CPNE8: variants seen among roughly 807,000 people sequenced by gnomAD.
CPNE8 encodes the protein copine 8.
In CPNE8, 45 loss-of-function variants were observed where a neutral mutation model predicts 81.5. That is an observed-to-expected ratio of 0.55 (90% CI 0.44 to 0.71). CPNE8 has a LOEUF of 0.71. Among genes scored for constraint, CPNE8 ranks in the 30% least tolerant of loss-of-function variants. The pLI, the probability that CPNE8 is intolerant of heterozygous loss-of-function variation, is 0.00. For synonymous variants in CPNE8, 252 were observed against 226.3 expected (o/e 1.11, Z -1.02); for missense variants, 594 against 672.1 (o/e 0.88, Z 1.28).
At chr12:38,719,591 A>AAT in intron 13 of CPNE8, among the ~76,000 whole-genome samples, 1 of 151,344 alleles carries the variant, frequency 6.6e-6, no homozygotes, top group East Asian at 1.9e-4. Context: ...CAGGAAAAAA[A>AAT]AAAAAAAAAA....
Position 38,735,138 on chromosome 12 carries a change from T to C in CPNE8, c.723-4780A>G, listed in dbSNP as rs903708419. Among the ~76,000 whole-genome samples the C allele has an allele frequency of 2.6e-5, 4 of 152,216 alleles. No homozygotes were observed. The East Asian group carries it at 7.7e-4, about 29-fold the overall frequency. ...GAACAACACCCTTAGTTTTTGTCTC[T>C]CATTTGTACTTCAGCGCAGTGATTT... On this transcript the variant is annotated intron_variant, in intron 10 of 19. Transcript: ENST00000331366.
rs756998678 is a variant in CPNE8 at position 38,653,999 on chromosome 12, A to T, written c.1578T>A (p.Asp526Glu). 78 of 1,613,610 alleles carry T rather than the reference A, an allele frequency of 4.8e-5. No individual in the cohort carries two copies. Among genetic ancestry groups the T allele is most frequent in the Non-Finnish European group, 6.1e-5 (72 of 1,179,930 alleles). Reference sequence around the variant, plus strand: ...ACTGCTCAGGGATCTCAGCTAGGACATCTTTAGCCAATCTAGCCATGCTCA... The same window carrying T: ...ACTGCTCAGGGATCTCAGCTAGGACTTCTTTAGCCAATCTAGCCATGCTCA... ...HILSMARLAK[D>E]VLAEIPEQFL... The change falls in exon 20 of 20, where the codon GAT (aspartate) becomes GAA (glutamate). Residue 526 changes from aspartate (D) to glutamate (E), a missense_variant. Physicochemically the swap from Asp to Glu is conservative, Grantham distance 45 (BLOSUM62 2). Transcript: ENST00000331366.
intron 14 of CPNE8, among the ~76,000 whole-genome samples, chr12:38,698,584 G>A (rs761762815): frequency 1.3e-5 from 2 of 152,110 alleles, no homozygotes; most frequent in Admixed American, 6.6e-5. Context: ...TTTCGTATGC[G>A]AGGGAAGAGT....
chr12:38,866,371 A>C (rs1022926128), intron 3 of CPNE8, among the ~76,000 whole-genome samples: 1 of 152,220 alleles, frequency 6.6e-6, no homozygotes. Flanking sequence ...AAACAAAACA[A>C]AATAAAAATA....
chr12:38,826,887 A>G (rs1223465807), intron 6 of CPNE8, among the ~76,000 whole-genome samples: 2 of 151,894 alleles, frequency 1.3e-5, no homozygotes, highest in African/African-American at 4.8e-5. Flanking sequence ...TATACCACAT[A>G]GGCTGGGTGC....
At chr12:38,859,561 A>C (rs993348893) in intron 3 of CPNE8, among the ~76,000 whole-genome samples, 1 of 152,124 alleles carries the variant, frequency 6.6e-6, no homozygotes, top group East Asian at 1.9e-4. Flanking sequence ...TTTTTATAAA[A>C]ATAGACAAAA....
chr12:38,730,361 AAAATT>A lies in CPNE8; in HGVS notation c.723-8_723-4del, dbSNP rs1940802676. 7.0e-7 allele frequency: 1 copy of A among 1,426,638 alleles called. No individual in the cohort carries two copies. Among genetic ancestry groups the A allele is most frequent in the Non-Finnish European group, 9.3e-7 (1 of 1,071,882 alleles). 88.4% of individuals were successfully genotyped at this position (1,426,638 alleles called of 1,614,324 possible). On this transcript the variant is annotated splice_polypyrimidine_tract_variant and splice_region_variant and intron_variant, in intron 10 of 19. Coordinates refer to ENST00000331366, the MANE Select transcript of CPNE8 (RefSeq NM_153634.3). ...TAAATTCTCCAATGAAATCATGACT[AAAATT>A]AAAGGAAAAAAGTACATAATATTGG...
At chr12:38,847,717 C>T (rs145221667) in intron 4 of CPNE8, among the ~76,000 whole-genome samples, 52 of 152,106 alleles carry the variant, frequency 3.4e-4, no homozygotes, top group African/African-American at 1.2e-3. Flanking sequence ...CAGTAAAGAG[C>T]TGTTATTTTT....
chr12:38,878,807 A>G (rs1944104731), intron 1 of CPNE8, among the ~76,000 whole-genome samples: 1 of 152,338 alleles, frequency 6.6e-6, no homozygotes, highest in South Asian at 2.1e-4. Flanking sequence ...ATCTATGGCC[A>G]AGACCTAACT....
intron 13 of CPNE8, among the ~76,000 whole-genome samples, chr12:38,715,046 A>G (rs1940351848): frequency 6.6e-6 from 1 of 152,090 alleles, no homozygotes; most frequent in African/African-American, 2.4e-5. Context: ...GTAAAAAACC[A>G]ACAACATTTT....
intron 13 of CPNE8, among the ~76,000 whole-genome samples, chr12:38,715,053 T>G (rs927891327): frequency 6.6e-6 from 1 of 152,056 alleles, no homozygotes; most frequent in Non-Finnish European, 1.5e-5. Context: ...ACCAACAACA[T>G]TTTTATAATT....
intron 4 of CPNE8, among the ~76,000 whole-genome samples, chr12:38,844,037 C>T (rs1028929228): frequency 1.1e-4 from 16 of 152,130 alleles, no homozygotes; most frequent in African/African-American, 3.1e-4. Flanking sequence ...ATGGGAAAAA[C>T]CACAGTTGAC....
intron 13 of CPNE8, among the ~76,000 whole-genome samples, chr12:38,707,157 T>A (rs1278714672): frequency 6.6e-6 from 1 of 151,716 alleles, no homozygotes; most frequent in East Asian, 1.9e-4. Flanking sequence ...GTATAGAAAT[T>A]TTAAAAAATA....
intron 16 of CPNE8, among the ~76,000 whole-genome samples, chr12:38,680,720 G>C (rs1239605326): frequency 6.6e-6 from 1 of 151,932 alleles, no homozygotes; most frequent in African/African-American, 2.4e-5. Flanking sequence ...TGAACATGTT[G>C]TTAGAGATAG....
At chr12:38,872,750 A>G (rs551448479) in intron 3 of CPNE8, among the ~76,000 whole-genome samples, 1 of 152,368 alleles carries the variant, frequency 6.6e-6, no homozygotes, top group South Asian at 2.1e-4. Flanking sequence ...ATAGATTGCA[A>G]CACATTAAAT....
At chr12:38,714,285 T>A (rs1940333949) in intron 13 of CPNE8, among the ~76,000 whole-genome samples, 1 of 152,110 alleles carries the variant, frequency 6.6e-6, no homozygotes, top group Admixed American at 6.5e-5. Flanking sequence ...TAATTTGAAA[T>A]GAATCTGACA....
At chr12:38,667,754 G>C (rs535133756) in intron 19 of CPNE8, among the ~76,000 whole-genome samples, 2 of 151,848 alleles carry the variant, frequency 1.3e-5, no homozygotes, top group Non-Finnish European at 2.9e-5. Flanking sequence ...GAATCCCAAT[G>C]TTACTTTATG....
intron 10 of CPNE8, among the ~76,000 whole-genome samples, chr12:38,748,350 A>T (rs1941281961): frequency 6.6e-6 from 1 of 152,166 alleles, no homozygotes; most frequent in African/African-American, 2.4e-5. Context: ...CTTTTGATGG[A>T]AGTACCACAA....
chr12:38,729,929 C>T (rs1048222253), intron 11 of CPNE8, among the ~76,000 whole-genome samples: 18 of 150,530 alleles, frequency 1.2e-4, no homozygotes, highest in Admixed American at 6.0e-4. Flanking sequence ...CATTTTATAA[C>T]GCCACACTGA....
Sources: allele counts gnomAD v4.1 joint callset (sites outside exome capture counted in the v4.1 genomes callset), GRCh38; gene constraint gnomAD v4.1.1; transcripts MANE v1.5; gene names NCBI Gene and HGNC (gene_info 2026-07-23, HGNC 2026-07-21).